DLG2: variants seen among roughly 807,000 people sequenced by gnomAD.
DLG2 encodes the protein discs large MAGUK scaffold protein 2, also known as disks large homolog 2.
A neutral mutation model predicts 132.5 loss-of-function variants in DLG2; 45 were observed. The ratio of observed to expected loss-of-function variants is 0.34; its 90% CI spans 0.27 to 0.44. The LOEUF (loss-of-function observed/expected upper bound fraction) is 0.44, where lower values mean the gene tolerates loss of function less well. Ranked by LOEUF, DLG2 falls within the 20% of genes least tolerant of loss-of-function variation. The pLI is 1.00. For missense variants in DLG2, 1,045 were observed against 1,196.9 expected (o/e 0.87, Z 1.87); for synonymous variants, 424 against 419.6 (o/e 1.01, Z -0.13).
chr11:83,503,429 A>G (rs1280062350), intron 21 of DLG2, among the ~76,000 whole-genome samples: 1 of 129,702 alleles, frequency 7.7e-6, no homozygotes, highest in African/African-American at 2.8e-5. Context: ...ATATAGATAG[A>G]TCTAATAGGA....
chr11:83,610,543 G>A (rs542850317), intron 19 of DLG2, among the ~76,000 whole-genome samples: 9 of 116,284 alleles, frequency 7.7e-5, no homozygotes, highest in Admixed American at 2.0e-4. Context: ...ACCAACTATC[G>A]AACAGACAGG....
chr11:84,654,352 C>T (rs189051877), intron 6 of DLG2, among the ~76,000 whole-genome samples: 9 of 152,296 alleles, frequency 5.9e-5, no homozygotes, highest in Admixed American at 5.9e-4. Flanking sequence ...CCTACATCAT[C>T]TAAAGCATTC....
chr11:84,624,197 A>G (rs1280979550), intron 6 of DLG2, among the ~76,000 whole-genome samples: 1 of 152,166 alleles, frequency 6.6e-6, no homozygotes, highest in Non-Finnish European at 1.5e-5. Flanking sequence ...TTTTTCAAAG[A>G]ACTTGAGAAA....
At chr11:84,812,889 A>G (rs985224474) in intron 6 of DLG2, among the ~76,000 whole-genome samples, 1 of 152,066 alleles carries the variant, frequency 6.6e-6, no homozygotes, top group African/African-American at 2.4e-5. Flanking sequence ...ATGTGATGCA[A>G]TTGTCGTTTT....
chr11:85,536,041 C>A (rs187141275), intron 3 of DLG2, among the ~76,000 whole-genome samples: 10 of 151,616 alleles, frequency 6.6e-5, no homozygotes, highest in African/African-American at 1.9e-4. Flanking sequence ...CATGGTGAAA[C>A]CCCATCTCTA....
chr11:85,425,747 G>A (rs533381688), intron 3 of DLG2, among the ~76,000 whole-genome samples: 1 of 152,274 alleles, frequency 6.6e-6, no homozygotes, highest in South Asian at 2.1e-4. Flanking sequence ...ATCTCCAACT[G>A]AGGTACCAGG....
intron 7 of DLG2, among the ~76,000 whole-genome samples, chr11:84,423,883 G>A (rs1197618435): frequency 2.0e-5 from 3 of 152,104 alleles, no homozygotes; most frequent in African/African-American, 7.2e-5. Flanking sequence ...GCCATCTTCT[G>A]CTATTTGAAT....
chr11:84,488,844 A>G (rs76682896), intron 7 of DLG2, among the ~76,000 whole-genome samples: 2,478 of 152,280 alleles, frequency 0.016, 77 homozygotes, highest in African/African-American at 0.056. Context: ...TGTACACCTA[A>G]ATAAATGTTA....
chr11:85,562,890 C>G (rs1016790411), intron 3 of DLG2, among the ~76,000 whole-genome samples: 1 of 151,798 alleles, frequency 6.6e-6, no homozygotes, highest in Non-Finnish European at 1.5e-5. Flanking sequence ...GCATTAAGCT[C>G]AAGACACAAT....
At chr11:85,386,803 G>C (rs1469436082) in intron 3 of DLG2, among the ~76,000 whole-genome samples, 1 of 148,164 alleles carries the variant, frequency 6.7e-6, no homozygotes, top group African/African-American at 2.5e-5. Context: ...AAGGGAGAAA[G>C]GAAGTAAAAC....
chr11:84,875,707 C>T (rs773974457), intron 6 of DLG2, among the ~76,000 whole-genome samples: 8 of 152,032 alleles, frequency 5.3e-5, no homozygotes, highest in African/African-American at 1.7e-4. Flanking sequence ...GCAACTGGAC[C>T]TCAATAAAAG....
At chr11:84,803,996 C>T (rs1481730296) in intron 6 of DLG2, among the ~76,000 whole-genome samples, 1 of 152,142 alleles carries the variant, frequency 6.6e-6, no homozygotes, top group Non-Finnish European at 1.5e-5. Flanking sequence ...AATTAAATGA[C>T]ATGATATACT....
intron 6 of DLG2, among the ~76,000 whole-genome samples, chr11:84,584,563 G>T (rs2099524501): frequency 6.8e-6 from 1 of 147,890 alleles, no homozygotes; most frequent in Admixed American, 6.8e-5. Context: ...CTGCTATGTT[G>T]CTATGTTGTC....
intron 3 of DLG2, among the ~76,000 whole-genome samples, chr11:85,539,302 C>A (rs1352643735): frequency 1.3e-5 from 2 of 149,422 alleles, no homozygotes; most frequent in Non-Finnish European, 2.9e-5. Flanking sequence ...GGACAGCTGT[C>A]CCTTGAGTCT....
intron 6 of DLG2, among the ~76,000 whole-genome samples, chr11:84,782,642 A>G (rs1265282152): frequency 1.3e-5 from 2 of 152,190 alleles, no homozygotes; most frequent in African/African-American, 4.8e-5. Flanking sequence ...GAGAACTTGA[A>G]TAAATCAACT....
At chr11:84,924,163 G>A (rs1291200023) in intron 6 of DLG2, among the ~76,000 whole-genome samples, 3 of 151,978 alleles carry the variant, frequency 2.0e-5, no homozygotes, top group East Asian at 3.9e-4. Context: ...GTCAGGCACC[G>A]GATGCTGCAA....
At chr11:85,486,797 CT>C (rs962141797) in intron 3 of DLG2, among the ~76,000 whole-genome samples, 20 of 152,138 alleles carry the variant, frequency 1.3e-4, no homozygotes, top group African/African-American at 4.6e-4. Flanking sequence ...CTGGCCCCCC[CT>C]GCTACTACCA....
At chr11:85,153,981 G>GTTGGCATA (rs1467742525) in intron 5 of DLG2, among the ~76,000 whole-genome samples, 9 of 151,978 alleles carry the variant, frequency 5.9e-5, no homozygotes, top group African/African-American at 2.2e-4. Flanking sequence ...TGCCTGGAAG[G>GTTGGCATA]TTGGCATATT....
Position 84,532,117 on chromosome 11 carries a change from A to ATTTTTTT in DLG2, c.519+2446_519+2452dup, listed in dbSNP as rs67139617. Among the ~76,000 whole-genome samples the ATTTTTTT allele has an allele frequency of 3.8e-3, 395 of 104,192 alleles. 1 individual carries two copies. The highest frequency in any genetic ancestry group is 8.1e-3 in the Middle Eastern group (1 of 124). 68.4% of individuals were successfully genotyped at this position (104,192 alleles called of 152,430 possible). ...CCATGGTGCTTTCATTGTTCTGTTC[A>ATTTTTTT]TTTTTTTTTTTTTTTTTTTTTTTTA... On this transcript the variant is annotated intron_variant, in intron 7 of 27. Transcript: ENST00000376104.
Sources: allele counts gnomAD v4.1 joint callset (sites outside exome capture counted in the v4.1 genomes callset), GRCh38; gene constraint gnomAD v4.1.1; transcripts MANE v1.5; gene names NCBI Gene and HGNC (gene_info 2026-07-23, HGNC 2026-07-21).